ZNF362: variants seen among roughly 807,000 people sequenced by gnomAD.
ZNF362 encodes the protein rotund homolog.
A neutral mutation model predicts 42.9 loss-of-function variants in ZNF362; 11 were observed. The observed-to-expected ratio is 0.26, with a 90% CI of 0.16 to 0.42. The LOEUF (loss-of-function observed/expected upper bound fraction) is 0.42. ZNF362 is among the 20% of genes least tolerant of loss of function. The pLI, the probability that ZNF362 is intolerant of heterozygous loss-of-function variation, is 1.00. For missense variants in ZNF362, 362 were observed against 576.2 expected, an observed-to-expected ratio of 0.63 and a Z score of 3.81; for synonymous variants, 255 against 257.3, an observed-to-expected ratio of 0.99 and a Z score of 0.09.
upstream of ZNF362, among the ~76,000 whole-genome samples, chr1:33,254,737 C>T (rs1432177904): frequency 6.7e-6 from 1 of 148,362 alleles, no homozygotes; most frequent in East Asian, 2.0e-4. Flanking sequence ...TCTCCCTTTC[C>T]ATATTGTGCG....
At chr1:33,144,630 T>C in the ZNF362 span, among the ~76,000 whole-genome samples, 1 of 152,244 alleles carries the variant, frequency 6.6e-6, no homozygotes, top group Non-Finnish European at 1.5e-5. Flanking sequence ...TTTAATTCTT[T>C]AAAAGCTTGA....
the ZNF362 span, among the ~76,000 whole-genome samples, chr1:33,174,960 TATATATATAC>T: frequency 4.8e-4 from 68 of 140,332 alleles, no homozygotes; most frequent in African/African-American, 1.9e-3. Flanking sequence ...TATATATATA[TATATATATAC>T]ACACATATAC....
At chr1:33,245,284 T>A in the ZNF362 span, among the ~76,000 whole-genome samples, 1 of 152,166 alleles carries the variant, frequency 6.6e-6, no homozygotes, top group East Asian at 1.9e-4. Flanking sequence ...CAGAGATGGA[T>A]CATATTCTCA....
chr1:33,243,263 T>C, the ZNF362 span, among the ~76,000 whole-genome samples: 3 of 151,726 alleles, frequency 2.0e-5, no homozygotes, highest in Admixed American at 1.3e-4. Context: ...TTCAAGTGAT[T>C]CTCCTGCCTC....
At chr1:33,203,746 C>G in the ZNF362 span, among the ~76,000 whole-genome samples, 1 of 152,130 alleles carries the variant, frequency 6.6e-6, no homozygotes, top group Non-Finnish European at 1.5e-5. Flanking sequence ...TTTTCATACA[C>G]GTATTGACCA....
At chr1:33,298,292 G>A (rs1646139358) in intron 8 of ZNF362, among the ~76,000 whole-genome samples, 1 of 152,204 alleles carries the variant, frequency 6.6e-6, no homozygotes, top group Admixed American at 6.5e-5. Context: ...TGAGGCTGTG[G>A]TGAGCTGTGA....
rs576483434 is a variant in ZNF362, at chr1:33,266,521, G to A, written c.-88-3966G>A. 6.1e-4 allele frequency among the ~76,000 whole-genome samples: 93 copies of A among 152,310 alleles called. 1 individual carries two copies. The highest frequency in any genetic ancestry group is 5.8e-3 in the South Asian group (28 of 4,830). On this transcript the variant is annotated intron_variant, in intron 1 of 8. Coordinates refer to ENST00000539719, the MANE Select transcript of ZNF362 (RefSeq NM_152493.3). This position sits in a 1 kb window ranked among gnomAD's most constrained non-coding sequence, Gnocchi z 4.3. The stretch of plus-strand genomic sequence containing the variant: ...GTAGCCCAATTCCTATGTGGGAAAC[G>A]TCAAAAGTGACCTTTAAGTTGAGAC...
the ZNF362 span, among the ~76,000 whole-genome samples, chr1:33,186,264 C>T: frequency 2.0e-5 from 3 of 151,976 alleles, no homozygotes; most frequent in African/African-American, 2.4e-5. Context: ...TTATTTGGTG[C>T]GAACCGTTCT....
In ZNF362 at chr1:33,294,844, GA is replaced by G. The variant is rs1646106216; in HGVS notation, c.909-92del. ...GGGGAGCATGGGCAGGGTAGGGACC[GA>G]GAGGCTTAGGGGCCAGAGTAAGGAC... On this transcript the variant is annotated intron_variant, in intron 6 of 8. Coordinates refer to ENST00000539719, the MANE Select transcript of ZNF362 (RefSeq NM_152493.3). This position sits in a 1 kb window ranked among gnomAD's most constrained non-coding sequence, Gnocchi z 4.2. The G allele has an allele frequency of 1.4e-6, 2 of 1,420,906 alleles. No individual in the cohort carries two copies. Among genetic ancestry groups the G allele is most frequent in the Non-Finnish European group, 2.0e-6 (2 of 1,014,266 alleles). The allele number at this position is 1,420,906 out of a possible 1,614,324, so 88.0% of individuals were successfully genotyped here.
the ZNF362 span, chr1:33,165,413 C>T: frequency 6.8e-7 from 1 of 1,473,628 alleles, no homozygotes. The surrounding 1 kb of genome is among the most constrained non-coding windows in gnomAD (Gnocchi z 4.0). Flanking sequence ...TGGCCCCGCC[C>T]CTCGAAGCCC....
the ZNF362 span, among the ~76,000 whole-genome samples, chr1:33,212,308 A>C: frequency 6.6e-6 from 1 of 152,152 alleles, no homozygotes; most frequent in Non-Finnish European, 1.5e-5. Flanking sequence ...ATCCAGTCCC[A>C]GGTATTTCTT....
rs927552531 is a variant in ZNF362 at position 33,281,513 on chromosome 1, C to T, written c.684-74C>T. 8 of 1,457,220 alleles carry T rather than the reference C, an allele frequency of 5.5e-6. No homozygotes were observed. The highest frequency in any genetic ancestry group is 3.8e-6 in the Non-Finnish European group (4 of 1,045,860). 90.3% of individuals were successfully genotyped at this position (1,457,220 alleles called of 1,614,324 possible). A position where few individuals can be genotyped will look rare whatever the true frequency, so the allele number is the denominator to read the frequency against. ...GACCTGTCCCAGGTGCAAGGTCTCT[C>T]TGATGTAGAAGGCCTCCCCTGAGAT... On this transcript the variant is annotated intron_variant, in intron 5 of 8. Transcript: ENST00000539719. The surrounding 1 kb of genome is among the most constrained non-coding windows in gnomAD (Gnocchi z 4.8).
At chr1:33,186,993 G>A in the ZNF362 span, among the ~76,000 whole-genome samples, 1 of 151,670 alleles carries the variant, frequency 6.6e-6, no homozygotes, top group Admixed American at 6.6e-5. Context: ...AGGTGATACA[G>A]GGAAGGGAAG....
the ZNF362 span, among the ~76,000 whole-genome samples, chr1:33,227,046 G>T: frequency 6.2e-4 from 94 of 152,332 alleles, 1 homozygote; most frequent in East Asian, 0.016. Flanking sequence ...ACTGGGGACA[G>T]TGATAACTAT....
At chr1:33,287,553 T>G (rs1646041850) in intron 6 of ZNF362, among the ~76,000 whole-genome samples, 1 of 152,238 alleles carries the variant, frequency 6.6e-6, no homozygotes, top group Non-Finnish European at 1.5e-5. Context: ...GCTGAAAGTT[T>G]TATCTATTTG....
At chr1:33,158,168 G>A in the ZNF362 span, 5 of 1,261,926 alleles carry the variant, frequency 4.0e-6, no homozygotes, top group East Asian at 7.0e-5. Context: ...CACCCCAACT[G>A]CCCCATGCTG....
At chr1:33,261,620 T>C (rs1053697485) in intron 1 of ZNF362, 1 of 152,240 alleles carries the variant, frequency 6.6e-6, no homozygotes, top group Non-Finnish European at 1.5e-5. Context: ...TTGGTCAGGC[T>C]TGGTGTACTC....
chr1:33,181,674 A>C, the ZNF362 span: 40 of 614,858 alleles, frequency 6.5e-5, no homozygotes, highest in Non-Finnish European at 9.8e-5. The surrounding 1 kb of genome is among the most constrained non-coding windows in gnomAD (Gnocchi z 6.5). Flanking sequence ...TGGGCAGCTC[A>C]AGGCGATGGG....
chr1:33,236,550 AAT>A, the ZNF362 span, among the ~76,000 whole-genome samples: 19 of 5,982 alleles, frequency 3.2e-3, 2 homozygotes, highest in African/African-American at 6.2e-3. Flanking sequence ...AAAAAAAAAA[AAT>A]ATATATATAT....
Sources: gnomAD v4.1 joint callset for allele counts (sites outside exome capture counted in the v4.1 genomes callset) on GRCh38, gnomAD v4.1.1 for gene constraint, Gnocchi (gnomAD v3.1) non-coding constraint, MANE v1.5 for transcripts, NCBI Gene and HGNC (gene_info 2026-07-23, HGNC 2026-07-21) for gene names.